The following PIWIL2 variants were observed in gnomAD, a reference collection of about 807,000 sequenced individuals.
PIWIL2 encodes the protein piwi-like protein 2.
In PIWIL2, 81 loss-of-function variants were observed where a neutral mutation model predicts 116.5. The ratio of observed to expected loss-of-function variants is 0.70; its 90% confidence interval spans 0.58 to 0.84. PIWIL2 has a LOEUF of 0.84. Ranked by LOEUF, PIWIL2 falls within the 40% of genes least tolerant of loss-of-function variation. PIWIL2 has a pLI of 0.00. For synonymous variants in PIWIL2, 489 were observed against 429.5 expected, an observed-to-expected ratio of 1.14 and a Z score of -1.71; for missense variants, 1,272 against 1,212.3, an observed-to-expected ratio of 1.05 and a Z score of -0.73.
chr8:22,303,978 G>A (rs1831113685), intron 10 of PIWIL2, 43 bp from the exon 11 acceptor site: 2 of 1,331,756 alleles, frequency 1.5e-6, no homozygotes, highest in East Asian at 2.3e-5. Flanking sequence ...ATACTGTTCT[G>A]GATATATACT....
rs1312426254 is a variant in PIWIL2, at chr8:22,294,919, A to AAT, written c.1181+4574_1181+4575insTA. Among the ~76,000 whole-genome samples, 5 of 147,452 alleles carry AAT rather than the reference A, an allele frequency of 3.4e-5. No homozygotes were observed. In the East Asian group the frequency reaches 1.0e-3, roughly 30 times the overall value. On this transcript the variant is annotated intron_variant, in intron 10 of 22. Coordinates refer to ENST00000356766, the MANE Select transcript of PIWIL2 (RefSeq NM_018068.5). The stretch of plus-strand genomic sequence containing the variant: ...TTACTGGAAAAAAAAAAAAAAAAAA[A>AAT]AAAAAAAAAATTAACTGGGCGTGGT...
intron 20 of PIWIL2, 85 bp downstream of exon 20, chr8:22,318,360 C>T (rs1302733431): frequency 4.0e-6 from 3 of 742,920 alleles, no homozygotes; most frequent in Admixed American, 2.5e-5. Flanking sequence ...TCTTGTCGCC[C>T]AGGTTGGAGT....
chr8:22,279,680 C>G (rs892714665), intron 2 of PIWIL2, 96 bp downstream of exon 2: 1 of 1,144,772 alleles, frequency 8.7e-7, no homozygotes, highest in Non-Finnish European at 1.3e-6. Flanking sequence ...GGGCTGGGCA[C>G]GGTGGCTCAC....
chr8:22,316,750 T>C (rs1291545816), intron 19 of PIWIL2, among the ~76,000 whole-genome samples: 1 of 151,138 alleles, frequency 6.6e-6, no homozygotes, highest in East Asian at 2.0e-4. Flanking sequence ...CCACAGTGCT[T>C]GGATTACAGG....
rs1028730268 is a variant in PIWIL2 at position 22,312,628 on chromosome 8, C to A, written c.1989+1328C>A. ...TCACAACAGCACACTTGTGTTCTTT[C>A]TTTGGTGTGTTTCTCTCTCTCTTTT... On this transcript the variant is annotated intron_variant, in intron 16 of 22. Coordinates refer to ENST00000356766, the MANE Select transcript of PIWIL2 (RefSeq NM_018068.5). Among the ~76,000 whole-genome samples the A allele has an allele frequency of 1.3e-5, 2 of 152,058 alleles. 1 individual carries two copies. The highest frequency in any genetic ancestry group is 2.9e-5 in the Non-Finnish European group (2 of 68,004).
chr8:22,339,386 T>G (rs550894408), intron 20 of PIWIL2, among the ~76,000 whole-genome samples: 203 of 152,124 alleles, frequency 1.3e-3, no homozygotes, highest in African/African-American at 4.5e-3. Context: ...CCCGCGCCTG[T>G]AATCCCAGCT....
At chr8:22,316,759 G>A (rs1831469687) in intron 19 of PIWIL2, among the ~76,000 whole-genome samples, 1 of 151,952 alleles carries the variant, frequency 6.6e-6, no homozygotes, top group Non-Finnish European at 1.5e-5. Flanking sequence ...TTGGATTACA[G>A]GCGTGAGCCA....
chr8:22,318,223 T>C lies in PIWIL2; in HGVS notation c.2351T>C (p.Ile784Thr), dbSNP rs1831511745. Residue 784 changes from isoleucine (I) to threonine (T), a missense_variant, in exon 20 of 23, where the codon ATT becomes ACT. Coordinates refer to ENST00000356766, the MANE Select transcript of PIWIL2 (RefSeq NM_018068.5). Reference sequence around the variant, plus strand: ...GTGTTCCAGATGCCGCATCAGGAGATTGTGGACAGCCTGAAGCTATGCCTC... The same window carrying C: ...GTGTTCCAGATGCCGCATCAGGAGACTGTGGACAGCCTGAAGCTATGCCTC... ...RVVFQMPHQE[I>T]VDSLKLCLVG... is the part of the protein sequence containing the mutation. 6.2e-7 allele frequency: 1 copy of C among 1,613,712 alleles called. No homozygotes were observed. The highest frequency in any genetic ancestry group is 1.3e-5 in the African/African-American group (1 of 74,930).
chr8:22,289,299 T>G (rs927519932), intron 8 of PIWIL2, among the ~76,000 whole-genome samples: 56 of 152,148 alleles, frequency 3.7e-4, no homozygotes, highest in African/African-American at 1.3e-3. Flanking sequence ...ATTACAGGCA[T>G]GCGCTGCCAC....
chr8:22,323,032 G>C (rs1831639099), intron 20 of PIWIL2, among the ~76,000 whole-genome samples: 1 of 146,904 alleles, frequency 6.8e-6, no homozygotes, highest in Non-Finnish European at 1.5e-5. Context: ...TTCTGCCTCA[G>C]CCTTCCGAGT....
In PIWIL2 at chr8:22,295,613, C is replaced by G. The variant is rs1586549361; in HGVS notation, c.1181+5267C>G. On this transcript the variant is annotated intron_variant, in intron 10 of 22. Transcript: ENST00000356766. ...AGCTGCTCAGCCCCGAGAGCATGTC[C>G]ATGTCTGTCAGGGAGCTCTGCAGGC... Among the ~76,000 whole-genome samples, 3 of 152,138 alleles carry G rather than the reference C, an allele frequency of 2.0e-5. No homozygotes were observed. In the South Asian group the frequency reaches 6.2e-4, roughly 32 times the overall value.
At chr8:22,296,812 C>T (rs759302945) in intron 10 of PIWIL2, among the ~76,000 whole-genome samples, 3 of 152,042 alleles carry the variant, frequency 2.0e-5, no homozygotes, top group Non-Finnish European at 2.9e-5. Context: ...ATTATTTTCC[C>T]TTTGCCTGAA....
At chr8:22,299,452 C>T (rs1399710989) in intron 10 of PIWIL2, among the ~76,000 whole-genome samples, 1 of 152,136 alleles carries the variant, frequency 6.6e-6, no homozygotes, top group African/African-American at 2.4e-5. Context: ...AGGTGATCCA[C>T]GCACCTCGGC....
chr8:22,353,255 G>A (rs563900105), intron 21 of PIWIL2, 43 bp downstream of exon 21: 11 of 1,557,680 alleles, frequency 7.1e-6, no homozygotes, highest in Non-Finnish European at 9.6e-6. Flanking sequence ...GAATAAGTTG[G>A]AGATGTTGTC....
At chr8:22,302,500 T>A (rs961067240) in intron 10 of PIWIL2, among the ~76,000 whole-genome samples, 8 of 152,138 alleles carry the variant, frequency 5.3e-5, no homozygotes, top group Non-Finnish European at 1.0e-4. Flanking sequence ...TTTCTTTTTT[T>A]AAACTAACCT....
At chr8:22,310,180 T>C (rs554925641) in intron 15 of PIWIL2, 106 bp downstream of exon 15, 7 of 644,014 alleles carry the variant, frequency 1.1e-5, no homozygotes, top group South Asian at 4.0e-5. Flanking sequence ...AAAGTACCAA[T>C]TGAATCCCCA....
intron 20 of PIWIL2, among the ~76,000 whole-genome samples, chr8:22,339,380 C>T (rs141789232): frequency 0.018 from 2,792 of 151,910 alleles, 104 homozygotes; most frequent in African/African-American, 0.062. Context: ...TGGTGGCCCG[C>T]GCCTGTAATC....
chr8:22,342,339 A>C (rs754671619), intron 20 of PIWIL2, among the ~76,000 whole-genome samples: 1 of 152,244 alleles, frequency 6.6e-6, no homozygotes, highest in Non-Finnish European at 1.5e-5. Flanking sequence ...TAGCCAACAC[A>C]GTACTGCAGA....
intron 20 of PIWIL2, among the ~76,000 whole-genome samples, chr8:22,349,586 C>G (rs1328061426): frequency 2.0e-5 from 3 of 151,858 alleles, no homozygotes; most frequent in Non-Finnish European, 4.4e-5. Flanking sequence ...GTCTCCTGAC[C>G]CCAAATCCAC....
Sources: gnomAD v4.1 joint callset for allele counts (sites outside exome capture counted in the v4.1 genomes callset) on GRCh38, gnomAD v4.1.1 for gene constraint, MANE v1.5 for transcripts, NCBI Gene and HGNC (gene_info 2026-07-23, HGNC 2026-07-21) for gene names.